The following FHIT variants were observed in gnomAD, a reference collection of about 807,000 sequenced individuals.
The protein encoded by FHIT is fragile histidine triad diadenosine triphosphatase.
Under a neutral mutation model 17.9 loss-of-function variants are expected in FHIT, and 19 were observed. The observed-to-expected ratio is 1.06, with a 90% CI of 0.74 to 1.56. FHIT has a LOEUF of 1.56. Ranked by LOEUF, FHIT falls within the 40% of genes most tolerant of loss-of-function variation. The pLI is 0.00. For synonymous variants in FHIT, 81 were observed against 69.7 expected (o/e 1.16, Z -0.81); for missense variants, 248 against 189.2 (o/e 1.31, Z -1.82).
At chr3:60,531,808 A>T (rs982308796) in intron 5 of FHIT, among the ~76,000 whole-genome samples, 11 of 152,226 alleles carry the variant, frequency 7.2e-5, no homozygotes, top group Non-Finnish European at 1.6e-4. Context: ...TCAACATGGT[A>T]ACGGTCTGAA....
At chr3:59,756,990 A>C (rs1701252229) in intron 8 of FHIT, among the ~76,000 whole-genome samples, 1 of 152,198 alleles carries the variant, frequency 6.6e-6, no homozygotes, top group Non-Finnish European at 1.5e-5. Context: ...ATAAAATAAC[A>C]GCACTTCCAA....
intron 4 of FHIT, among the ~76,000 whole-genome samples, chr3:60,745,217 G>A (rs1345958048): frequency 2.6e-5 from 4 of 152,202 alleles, no homozygotes; most frequent in East Asian, 1.9e-4. Flanking sequence ...CAAAGAGTTC[G>A]TCTAGATATG....
At chr3:59,993,578 G>A (rs1699380474) in intron 7 of FHIT, among the ~76,000 whole-genome samples, 1 of 151,986 alleles carries the variant, frequency 6.6e-6, no homozygotes, top group African/African-American at 2.4e-5. Context: ...TCTCTCAAAT[G>A]AAGACTTCCA....
chr3:59,778,994 T>C (rs755663322), intron 8 of FHIT, among the ~76,000 whole-genome samples: 20 of 152,190 alleles, frequency 1.3e-4, no homozygotes, highest in Non-Finnish European at 2.2e-4. Context: ...CTAATGCCTA[T>C]ACCAGATGGT....
intron 3 of FHIT, among the ~76,000 whole-genome samples, chr3:61,013,565 T>C (rs1326173547): frequency 6.6e-6 from 1 of 152,156 alleles, no homozygotes; most frequent in Non-Finnish European, 1.5e-5. Flanking sequence ...TAATCCCTTT[T>C]TAAGTGTCTT....
chr3:60,338,650 T>C (rs1379912840), intron 5 of FHIT, among the ~76,000 whole-genome samples: 1 of 152,224 alleles, frequency 6.6e-6, no homozygotes, highest in Non-Finnish European at 1.5e-5. Flanking sequence ...ACCACTTAGA[T>C]GTTGCCTGAG....
intron 5 of FHIT, among the ~76,000 whole-genome samples, chr3:60,317,627 G>GTA (rs1466163937): frequency 7.0e-6 from 1 of 143,738 alleles, no homozygotes; most frequent in African/African-American, 2.6e-5. Flanking sequence ...ATGTGTGTGT[G>GTA]TGTGTGTGTA....
intron 8 of FHIT, among the ~76,000 whole-genome samples, chr3:59,904,635 G>A (rs1045731491): frequency 6.6e-6 from 1 of 152,174 alleles, no homozygotes; most frequent in African/African-American, 2.4e-5. Context: ...TTGTGTTATA[G>A]CTTGTACCCG....
chr3:60,697,576 C>T (rs1363465236), intron 4 of FHIT, among the ~76,000 whole-genome samples: 2 of 152,016 alleles, frequency 1.3e-5, no homozygotes, highest in African/African-American at 4.8e-5. Flanking sequence ...TTTTATCTGG[C>T]AATTGTAAAC....
intron 3 of FHIT, among the ~76,000 whole-genome samples, chr3:60,973,857 T>A (rs1238086112): frequency 1.3e-5 from 2 of 152,198 alleles, no homozygotes. Flanking sequence ...AGCACAATTT[T>A]ATTGCTCCTT....
intron 4 of FHIT, among the ~76,000 whole-genome samples, chr3:60,715,309 T>C (rs993492600): frequency 6.6e-5 from 10 of 152,048 alleles, no homozygotes; most frequent in Non-Finnish European, 1.3e-4. Flanking sequence ...GACTTAAACA[T>C]TAGACCTAAA....
intron 5 of FHIT, among the ~76,000 whole-genome samples, chr3:60,448,736 G>A (rs969003137): frequency 6.6e-6 from 1 of 152,088 alleles, no homozygotes; most frequent in African/African-American, 2.4e-5. Context: ...GCCTTTCCTA[G>A]CTATTCTTAA....
rs564898459 is a variant in FHIT at position 60,433,437 on chromosome 3, T to C, written c.103+103423A>G. On this transcript the variant is annotated intron_variant, in intron 5 of 9. Transcript: ENST00000492590. ...TTTAATTCTTTAAAATACTCAGAAG[T>C]GGTATTGCTAGATCATGGGGTAAAT... Among the ~76,000 whole-genome samples the C allele has an allele frequency of 5.5e-4, 84 of 152,220 alleles. 1 individual carries two copies. The highest frequency in any genetic ancestry group is 1.1e-3 in the Admixed American group (17 of 15,282).
intron 8 of FHIT, among the ~76,000 whole-genome samples, chr3:59,861,727 CAAG>C (rs1464570711): frequency 6.6e-6 from 1 of 152,114 alleles, no homozygotes; most frequent in East Asian, 1.9e-4. Context: ...TCCTGAAGTA[CAAG>C]AAGTCTATTT....
chr3:60,453,956 A>G (rs990277358), intron 5 of FHIT, among the ~76,000 whole-genome samples: 12 of 152,062 alleles, frequency 7.9e-5, no homozygotes, highest in Non-Finnish European at 1.5e-4. Flanking sequence ...TGGGTCTTCA[A>G]TCTCTATGAG....
chr3:61,153,666 C>T (rs1348543513), intron 2 of FHIT, among the ~76,000 whole-genome samples: 2 of 152,094 alleles, frequency 1.3e-5, no homozygotes, highest in Non-Finnish European at 2.9e-5. Context: ...GGAATGCTGA[C>T]CTTCTAATAT....
intron 8 of FHIT, among the ~76,000 whole-genome samples, chr3:59,789,523 A>T (rs1239300641): frequency 6.6e-6 from 1 of 152,152 alleles, no homozygotes. Context: ...TTCTCACTTA[A>T]CTCATTGCCT....
At chr3:60,445,259 T>C (rs1357893158) in intron 5 of FHIT, among the ~76,000 whole-genome samples, 1 of 152,138 alleles carries the variant, frequency 6.6e-6, no homozygotes, top group Non-Finnish European at 1.5e-5. Flanking sequence ...TGATGCCAAA[T>C]GCTAGCCTGA....
At position 59,965,749 on chromosome 3, in the gene FHIT, C is replaced by T. The variant is rs571712705; in HGVS notation, c.280-43335G>A. On this transcript the variant is annotated intron_variant, in intron 7 of 9. Transcript: ENST00000492590. ...AGCCTACATGATTCCCATGACTATA[C>T]ATTTATATTAGAATTGATATTCAAA... Among the ~76,000 whole-genome samples the T allele has an allele frequency of 4.6e-5, 7 of 152,278 alleles. 1 individual carries two copies. The South Asian group carries it at 1.5e-3, about 32-fold the overall frequency.
Sources: gnomAD v4.1 joint callset for allele counts (sites outside exome capture counted in the v4.1 genomes callset) on GRCh38, gnomAD v4.1.1 for gene constraint, MANE v1.5 for transcripts, NCBI Gene and HGNC (gene_info 2026-07-23, HGNC 2026-07-21) for gene names.